ADAM12: variants seen among roughly 807,000 people sequenced by gnomAD.
ADAM12 encodes the protein ADAM metallopeptidase domain 12.
ADAM12 carries 70 observed loss-of-function variants against 106.4 expected under a neutral mutation model. The ratio of observed to expected loss-of-function variants is 0.66; its 90% CI spans 0.54 to 0.80. ADAM12 has a LOEUF of 0.80. ADAM12 is among the 30% of genes least tolerant of loss of function. The probability of loss-of-function intolerance (pLI) is 0.00; values close to 1 mark genes in which losing one functional copy is unlikely to be tolerated. For missense variants in ADAM12, 1,010 were observed against 1,171.9 expected, an observed-to-expected ratio of 0.86 and a Z score of 2.02; for synonymous variants, 420 against 433.5, an observed-to-expected ratio of 0.97 and a Z score of 0.39.
intron 2 of ADAM12, among the ~76,000 whole-genome samples, chr10:126,324,253 G>A (rs926987551): frequency 1.3e-5 from 2 of 152,250 alleles, no homozygotes; most frequent in East Asian, 3.8e-4. Flanking sequence ...ACAAGAGAAG[G>A]TGCCATTTAA....
chr10:126,321,943 A>C (rs1854117501), intron 2 of ADAM12, among the ~76,000 whole-genome samples: 1 of 150,360 alleles, frequency 6.7e-6, no homozygotes, highest in Non-Finnish European at 1.5e-5. Context: ...GCACAACAGC[A>C]TCCACCTTGC....
chr10:126,135,510 A>G, intron 5 of ADAM12, 74 bp downstream of exon 5: 1 of 1,431,106 alleles, frequency 7.0e-7, no homozygotes, highest in Non-Finnish European at 9.8e-7. Context: ...GTGCTTTAGC[A>G]CGAGCAGGAA....
chr10:126,328,786 G>A (rs1333567156), intron 2 of ADAM12, among the ~76,000 whole-genome samples: 2 of 152,162 alleles, frequency 1.3e-5, no homozygotes, highest in Non-Finnish European at 2.9e-5. Context: ...TCATTCTGGA[G>A]ACAGAAACCC....
At chr10:126,369,077 T>C (rs983717159) in intron 1 of ADAM12, among the ~76,000 whole-genome samples, 5 of 152,240 alleles carry the variant, frequency 3.3e-5, no homozygotes, top group African/African-American at 1.2e-4. Context: ...ATCACTAATA[T>C]ATACTAACTA....
intron 6 of ADAM12, among the ~76,000 whole-genome samples, chr10:126,113,667 AAAAAAAAAAAAAAAAAAAAAATATATAT>A (rs1307607915): frequency 4.2e-4 from 20 of 48,188 alleles, no homozygotes; most frequent in Non-Finnish European, 6.5e-4. Context: ...TCAAAAAAAA[AAAAAAAAAAAAAAAAAAAAAATATATAT>A]ATATATATAT....
At chr10:126,215,291 G>C (rs1957968174) in intron 3 of ADAM12, among the ~76,000 whole-genome samples, 1 of 152,214 alleles carries the variant, frequency 6.6e-6, no homozygotes, top group East Asian at 1.9e-4. Context: ...GGTGGGGGAA[G>C]GAGGTACATC....
chr10:126,027,109 T>A (rs748175442), intron 21 of ADAM12, among the ~76,000 whole-genome samples: 110 of 152,276 alleles, frequency 7.2e-4, no homozygotes, highest in Admixed American at 2.8e-3. Context: ...CAGAGAATAC[T>A]ATAAACACCT....
chr10:126,368,659 G>GTT (rs5788783), intron 1 of ADAM12, among the ~76,000 whole-genome samples: 27 of 149,144 alleles, frequency 1.8e-4, no homozygotes, highest in African/African-American at 4.5e-4. Context: ...TGTTGTTGTT[G>GTT]TTTTTTTTTG....
chr10:126,096,199 G>A (rs1246033226), intron 10 of ADAM12, among the ~76,000 whole-genome samples: 1 of 152,172 alleles, frequency 6.6e-6, no homozygotes, highest in Non-Finnish European at 1.5e-5. Context: ...AGGGGCTGAA[G>A]TTACCATGCT....
chr10:126,021,562 A>G (rs1439054320), intron 21 of ADAM12, among the ~76,000 whole-genome samples: 1 of 152,232 alleles, frequency 6.6e-6, no homozygotes, highest in African/African-American at 2.4e-5. Flanking sequence ...CTTAGAAGTG[A>G]TATTTCTACA....
intron 2 of ADAM12, among the ~76,000 whole-genome samples, chr10:126,311,592 C>G (rs4962551): frequency 3.9e-5 from 6 of 152,078 alleles, no homozygotes; most frequent in African/African-American, 1.4e-4. Flanking sequence ...GAACTTCCAG[C>G]CCACCCCCAT....
chr10:126,086,988 G>A (rs1442748809), intron 11 of ADAM12, among the ~76,000 whole-genome samples: 2 of 151,458 alleles, frequency 1.3e-5, no homozygotes, highest in East Asian at 2.0e-4. Context: ...AGCCAAGATC[G>A]TGCCACTGTA....
At chr10:126,156,429 A>C (rs1025699862) in intron 3 of ADAM12, among the ~76,000 whole-genome samples, 4 of 152,252 alleles carry the variant, frequency 2.6e-5, no homozygotes, top group African/African-American at 9.6e-5. Flanking sequence ...CATAGGGCGC[A>C]CACGAAGTAA....
rs151004382 is a variant in ADAM12 at position 126,387,501 on chromosome 10, A to G, written c.88+557T>C. ...AGAGGGGCAGAGAGGAAACTAAAGA[A>G]GTAGGTAAGAGAGTCAGTTTATGAA... is the stretch of plus-strand genomic sequence containing the variant. On this transcript the variant is annotated intron_variant, in intron 1 of 22. Transcript: ENST00000448723. Among the ~76,000 whole-genome samples, 608 of 152,246 alleles carry G rather than the reference A, an allele frequency of 4.0e-3. 3 individuals are homozygous for G. Among genetic ancestry groups the G allele is most frequent in the Non-Finnish European group, 6.0e-3 (406 of 68,014 alleles).
chr10:126,185,993 T>C (rs1380414464), intron 3 of ADAM12, among the ~76,000 whole-genome samples: 1 of 152,242 alleles, frequency 6.6e-6, no homozygotes, highest in African/African-American at 2.4e-5. Flanking sequence ...CTTGTGCTGT[T>C]GCTAGAAGTC....
In ADAM12 at chr10:126,209,658, G is replaced by A. The variant is rs141036473; in HGVS notation, c.261-54353C>T. Among the ~76,000 whole-genome samples the A allele has an allele frequency of 3.0e-3, 456 of 152,266 alleles. 2 individuals are homozygous for A. The highest frequency in any genetic ancestry group is 0.01 in the African/African-American group (423 of 41,544). ...CAAATATTTTAGCTGCATTCTGTCA[G>A]CAGCTATTTTTAGATATAAAAAGTT... On this transcript the variant is annotated intron_variant, in intron 3 of 22. Transcript: ENST00000448723.
chr10:126,356,048 C>A (rs1257128876), intron 1 of ADAM12, among the ~76,000 whole-genome samples: 1 of 152,170 alleles, frequency 6.6e-6, no homozygotes, highest in Non-Finnish European at 1.5e-5. Flanking sequence ...TTCTGCAACA[C>A]CCAAAACTTC....
chr10:126,087,168 C>T (rs57067837), intron 11 of ADAM12, among the ~76,000 whole-genome samples: 1,803 of 152,282 alleles, frequency 0.012, 36 homozygotes, highest in African/African-American at 0.04. Context: ...AGCTTGACCT[C>T]TATTTTGTGT....
intron 2 of ADAM12, among the ~76,000 whole-genome samples, chr10:126,321,661 G>T (rs540582744): frequency 8.9e-4 from 135 of 152,250 alleles, no homozygotes; most frequent in African/African-American, 3.1e-3. Context: ...GATCTCCCTC[G>T]GAGGCAAGAC....
Sources: gnomAD v4.1 joint callset for allele counts (sites outside exome capture counted in the v4.1 genomes callset) on GRCh38, gnomAD v4.1.1 for gene constraint, MANE v1.5 for transcripts, NCBI Gene and HGNC (gene_info 2026-07-23, HGNC 2026-07-21) for gene names.